The following ZFAT variants were observed in gnomAD, a reference collection of about 807,000 sequenced individuals.
ZFAT encodes zinc finger and AT-hook domain containing.
Under a neutral mutation model 117.7 loss-of-function variants are expected in ZFAT, and 64 were observed. That is an observed-to-expected ratio of 0.54 (90% CI 0.44 to 0.67). The LOEUF is 0.67. ZFAT is among the 30% of genes least tolerant of loss of function. ZFAT has a pLI of 0.00. For synonymous variants in ZFAT, 679 were observed against 615.0 expected, an observed-to-expected ratio of 1.10 and a Z score of -1.54; for missense variants, 1,433 against 1,584.5, an observed-to-expected ratio of 0.90 and a Z score of 1.62.
intron 3 of ZFAT, among the ~76,000 whole-genome samples, chr8:134,612,841 A>C (rs1828442120): frequency 6.6e-6 from 1 of 152,256 alleles, no homozygotes; most frequent in African/African-American, 2.4e-5. Context: ...GATGACTCCT[A>C]TAAAGCCGGA....
At chr8:134,506,623 G>A (rs899858996) in intron 15 of ZFAT, among the ~76,000 whole-genome samples, 2 of 152,106 alleles carry the variant, frequency 1.3e-5, no homozygotes, top group African/African-American at 4.8e-5. Context: ...CAGAAGACTT[G>A]GGATTAATCC....
chr8:134,660,419 A>G (rs1261317924), intron 1 of ZFAT, among the ~76,000 whole-genome samples: 1 of 152,212 alleles, frequency 6.6e-6, no homozygotes. Context: ...ATCAACTTCA[A>G]CTGTGTTCAT....
intron 11 of ZFAT, among the ~76,000 whole-genome samples, chr8:134,551,779 A>C (rs139129630): frequency 2.6e-4 from 39 of 152,302 alleles, no homozygotes; most frequent in African/African-American, 8.7e-4. Flanking sequence ...TGAGTACCCA[A>C]GCCCCTTATA....
the ZFAT span, among the ~76,000 whole-genome samples, chr8:134,725,251 G>T: frequency 1.3e-5 from 2 of 152,170 alleles, no homozygotes; most frequent in African/African-American, 4.8e-5. Flanking sequence ...AAGTTCAAGC[G>T]CCTGGCAAAG....
chr8:134,637,668 T>C lies in ZFAT; in HGVS notation c.241A>G (p.Thr81Ala). ...TCCTCTTCTGTGCTGGACTTCTTCGTGGACCCCTTAGGCCTGCCTCTCTTC... is the reference window on the plus strand; with the variant it reads ...TCCTCTTCTGTGCTGGACTTCTTCGCGGACCCCTTAGGCCTGCCTCTCTTC... ...KRKRGRPKGS[T>A]KKSSTEEELA... Residue 81 changes from threonine (T) to alanine (A), a missense_variant, in exon 3 of 16, where the codon ACG (threonine) becomes GCG (alanine). Thr to Ala is a moderately conservative substitution (Grantham distance 58). Coordinates refer to ENST00000377838, the MANE Select transcript of ZFAT (RefSeq NM_020863.4). 4 of 1,614,196 alleles carry C rather than the reference T, an allele frequency of 2.5e-6. No individual in the cohort carries two copies. The highest frequency in any genetic ancestry group is 3.4e-6 in the Non-Finnish European group (4 of 1,180,038).
At chr8:134,600,179 G>T in intron 7 of ZFAT, 1 of 528,208 alleles carries the variant, frequency 1.9e-6, no homozygotes. Context: ...TATCTCTTCT[G>T]TAGACTTTAT....
intron 15 of ZFAT, among the ~76,000 whole-genome samples, chr8:134,481,319 G>A (rs1044306954): frequency 6.6e-6 from 1 of 152,166 alleles, no homozygotes; most frequent in African/African-American, 2.4e-5. Flanking sequence ...TTTACTCCCA[G>A]GTCCCCAGGG....
At chr8:134,495,097 C>T (rs1818336526) in intron 15 of ZFAT, among the ~76,000 whole-genome samples, 2 of 152,156 alleles carry the variant, frequency 1.3e-5, no homozygotes. Context: ...GGGCAATGTC[C>T]CTCAGCATCT....
chr8:134,743,113 T>A, the ZFAT span, among the ~76,000 whole-genome samples: 2 of 152,224 alleles, frequency 1.3e-5, no homozygotes, highest in Admixed American at 1.3e-4. Flanking sequence ...GGTGAAACCA[T>A]CTCTATGCCC....
intron 15 of ZFAT, among the ~76,000 whole-genome samples, chr8:134,505,431 A>G (rs987253052): frequency 1.3e-5 from 2 of 152,180 alleles, no homozygotes; most frequent in African/African-American, 4.8e-5. Context: ...CTCATCTTTG[A>G]GGCCTGTGAA....
At chr8:134,545,379 A>G (rs4909475) in intron 11 of ZFAT, among the ~76,000 whole-genome samples, 119,126 of 151,896 alleles carry the variant, frequency 0.78, 47,051 homozygotes, top group East Asian at 0.91. Context: ...GCTAGATGTG[A>G]TGGCACACGT....
At chr8:134,628,057 G>A (rs1829638131) in intron 3 of ZFAT, among the ~76,000 whole-genome samples, 1 of 152,198 alleles carries the variant, frequency 6.6e-6, no homozygotes, top group South Asian at 2.1e-4. Flanking sequence ...AAGGGAGGGG[G>A]ACTCTGGAGC....
At chr8:134,666,619 G>A (rs764264255) in intron 1 of ZFAT, among the ~76,000 whole-genome samples, 5 of 151,952 alleles carry the variant, frequency 3.3e-5, no homozygotes, top group Admixed American at 2.6e-4. Context: ...AGATATAAGA[G>A]AAAACCCAAA....
chr8:134,778,779 AT>A, the ZFAT span, among the ~76,000 whole-genome samples: 1 of 152,252 alleles, frequency 6.6e-6, no homozygotes, highest in East Asian at 1.9e-4. Flanking sequence ...ATGATGAAGC[AT>A]TCACAATGGA....
At chr8:134,541,775 T>A (rs1822276032) in intron 11 of ZFAT, among the ~76,000 whole-genome samples, 1 of 152,212 alleles carries the variant, frequency 6.6e-6, no homozygotes, top group African/African-American at 2.4e-5. Flanking sequence ...TCAACTCACA[T>A]AAAAATTAAA....
At chr8:134,518,661 T>G (rs1035995172) in intron 13 of ZFAT, among the ~76,000 whole-genome samples, 1 of 151,914 alleles carries the variant, frequency 6.6e-6, no homozygotes, top group African/African-American at 2.4e-5. Context: ...AAGATATTAA[T>G]TTTTTCTATA....
At chr8:134,674,720 C>G in intron 1 of ZFAT, 1 of 236,150 alleles carries the variant, frequency 4.2e-6, no homozygotes, top group Non-Finnish European at 8.5e-6. Flanking sequence ...CAGTAGGGGC[C>G]AACAGACACC....
intron 1 of ZFAT, among the ~76,000 whole-genome samples, chr8:134,685,742 G>A (rs1180617962): frequency 6.6e-6 from 1 of 152,138 alleles, no homozygotes; most frequent in Admixed American, 6.5e-5. Context: ...ACGGGAGGGC[G>A]ACATATACGT....
At chr8:134,519,132 T>C (rs1392675350) in intron 13 of ZFAT, among the ~76,000 whole-genome samples, 2 of 152,190 alleles carry the variant, frequency 1.3e-5, no homozygotes, top group Non-Finnish European at 1.5e-5. Flanking sequence ...ACTTTAGAAA[T>C]CAACTTGATT....
Sources: gnomAD v4.1 joint callset for allele counts (sites outside exome capture counted in the v4.1 genomes callset) on GRCh38, gnomAD v4.1.1 for gene constraint, MANE v1.5 for transcripts, NCBI Gene and HGNC (gene_info 2026-07-23, HGNC 2026-07-21) for gene names.